The following APBA1 variants were observed in gnomAD, a reference collection of about 807,000 sequenced individuals.
The protein encoded by APBA1 is amyloid-beta A4 precursor protein-binding family A member 1.
APBA1 carries 55 observed loss-of-function variants against 86.6 expected under a neutral mutation model. The ratio of observed to expected loss-of-function variants is 0.64; its 90% CI spans 0.51 to 0.80. APBA1 has a LOEUF of 0.80. APBA1 is among the 30% of genes least tolerant of loss of function. APBA1 has a pLI of 0.00. For synonymous variants in APBA1, 511 were observed against 493.9 expected (o/e 1.03, Z -0.46); for missense variants, 1,090 against 1,183.0 (o/e 0.92, Z 1.15).
intron 1 of APBA1, among the ~76,000 whole-genome samples, chr9:69,638,467 C>T (rs1444322739): frequency 6.6e-6 from 1 of 152,172 alleles, no homozygotes; most frequent in East Asian, 1.9e-4. Flanking sequence ...TCTCGAACTC[C>T]AGACCTCAGG....
At chr9:69,671,289 G>T (rs920785583) in intron 1 of APBA1, among the ~76,000 whole-genome samples, 4 of 152,160 alleles carry the variant, frequency 2.6e-5, no homozygotes, top group African/African-American at 9.7e-5. Context: ...AGGTGCTAAG[G>T]AGAGAAGTAG....
At chr9:69,611,393 T>TTACTAAAATATTCAAACCCACTGGGAGA (rs1822586917) in intron 1 of APBA1, among the ~76,000 whole-genome samples, 1 of 151,958 alleles carries the variant, frequency 6.6e-6, no homozygotes, top group Admixed American at 6.6e-5. Flanking sequence ...TATAGTGTTG[T>TTACTAAAATATTCAAACCCACTGGGAGA]TACTAAAATA....
At chr9:69,433,339 T>C (rs896785147) in intron 11 of APBA1, among the ~76,000 whole-genome samples, 4 of 152,194 alleles carry the variant, frequency 2.6e-5, no homozygotes, top group African/African-American at 9.7e-5. Context: ...CAACATAACT[T>C]TTCCCAAAAG....
At chr9:69,520,034 C>T (rs571710452) in intron 1 of APBA1, among the ~76,000 whole-genome samples, 8 of 152,244 alleles carry the variant, frequency 5.3e-5, no homozygotes, top group Admixed American at 2.6e-4. Flanking sequence ...ACAGACCTCA[C>T]GGGAGTATTT....
intron 10 of APBA1, among the ~76,000 whole-genome samples, chr9:69,446,731 C>A (rs969312467): frequency 1.3e-5 from 2 of 152,300 alleles, no homozygotes; most frequent in Middle Eastern, 3.4e-3. Flanking sequence ...CTGGGCAAGT[C>A]TCCTGTGCCT....
chr9:69,494,713 G>T (rs1295675464), intron 2 of APBA1, among the ~76,000 whole-genome samples: 1 of 151,950 alleles, frequency 6.6e-6, no homozygotes, highest in African/African-American at 2.4e-5. Context: ...CCAGACCACT[G>T]GCCCTTAGCT....
intron 2 of APBA1, among the ~76,000 whole-genome samples, chr9:69,505,445 C>T (rs1835943476): frequency 1.3e-5 from 2 of 152,092 alleles, no homozygotes; most frequent in South Asian, 4.1e-4. Context: ...CTAACTCCTC[C>T]ATCACAGCCA....
intron 2 of APBA1, among the ~76,000 whole-genome samples, chr9:69,490,021 C>T (rs1466288637): frequency 3.9e-5 from 6 of 152,082 alleles, no homozygotes; most frequent in African/African-American, 1.4e-4. Flanking sequence ...AAGACACATG[C>T]ACACGTATGT....
At position 69,441,065 on chromosome 9, in the gene APBA1, C is replaced by T. The variant is rs758165224; in HGVS notation, c.2232G>A (p.Pro744=). The T allele has an allele frequency of 3.9e-5, 63 of 1,613,924 alleles. No individual in the cohort carries two copies. Among genetic ancestry groups the T allele is most frequent in the Non-Finnish European group, 4.7e-5 (56 of 1,180,036 alleles). ...RVKLNIVRCP[P]VTTVLIRRPD... Reference sequence around the variant, plus strand: ...GTCTTCTGATTAACACGGTGGTCACCGGAGGACATCTCACGATATTCAGCT... The same window carrying T: ...GTCTTCTGATTAACACGGTGGTCACTGGAGGACATCTCACGATATTCAGCT... Residue 744 remains proline, a synonymous_variant, in exon 11 of 13, where the codon CCG becomes CCA. Transcript: ENST00000265381.
chr9:69,525,661 A>G (rs959174407), intron 1 of APBA1, among the ~76,000 whole-genome samples: 11 of 152,332 alleles, frequency 7.2e-5, no homozygotes, highest in African/African-American at 2.6e-4. Flanking sequence ...AGCAATTTAC[A>G]GATTCAATGT....
intron 1 of APBA1, among the ~76,000 whole-genome samples, chr9:69,541,551 T>A (rs1836613765): frequency 1.5e-5 from 1 of 65,322 alleles, no homozygotes. Flanking sequence ...TTTTGCATTT[T>A]TTTTTTTTTT....
chr9:69,553,756 G>A (rs1836822538), intron 1 of APBA1, among the ~76,000 whole-genome samples: 1 of 152,156 alleles, frequency 6.6e-6, no homozygotes, highest in African/African-American at 2.4e-5. Flanking sequence ...TCTACAGACT[G>A]TTCTACATAC....
intron 1 of APBA1, among the ~76,000 whole-genome samples, chr9:69,656,946 C>T (rs12005898): frequency 0.22 from 33,951 of 151,238 alleles, 4,129 homozygotes; most frequent in African/African-American, 0.29. Context: ...CCCGGGTTCA[C>T]GCCATTCTCC....
intron 1 of APBA1, among the ~76,000 whole-genome samples, chr9:69,547,817 A>T (rs1436431606): frequency 6.6e-6 from 1 of 152,156 alleles, no homozygotes; most frequent in Non-Finnish European, 1.5e-5. Flanking sequence ...AGTCTACTCC[A>T]TGTCTGGTTT....
At position 69,585,872 on chromosome 9, in the gene APBA1, C is replaced by G. The variant is rs140728430; in HGVS notation, c.-69-68593G>C. Among the ~76,000 whole-genome samples, 25 of 152,230 alleles carry G rather than the reference C, an allele frequency of 1.6e-4. No homozygotes were observed. The East Asian group carries it at 4.8e-3, about 29-fold the overall frequency. On this transcript the variant is annotated intron_variant, in intron 1 of 12. Transcript: ENST00000265381. The stretch of plus-strand genomic sequence containing the variant: ...TGCCTTTCTCCTGCTTATCTCATCC[C>G]CAAAACCCAAATCCAGCCTCTCATA...
intron 1 of APBA1, among the ~76,000 whole-genome samples, chr9:69,645,660 C>G (rs958519692): frequency 1.1e-4 from 17 of 152,312 alleles, no homozygotes; most frequent in African/African-American, 3.8e-4. Context: ...AGCTCGTGCT[C>G]TCTTCAGCAG....
chr9:69,566,768 C>T (rs1289433321), intron 1 of APBA1, among the ~76,000 whole-genome samples: 3 of 152,168 alleles, frequency 2.0e-5, no homozygotes, highest in Non-Finnish European at 4.4e-5. Flanking sequence ...GCTGGCTCCC[C>T]AGCTACATGC....
At chr9:69,465,092 C>T (rs1203557636) in intron 5 of APBA1, 3 of 152,242 alleles carry the variant, frequency 2.0e-5, no homozygotes, top group Non-Finnish European at 4.4e-5. Context: ...GATAGGGGCT[C>T]TTTGGCATTT....
At chr9:69,624,050 T>C (rs1272984959) in intron 1 of APBA1, among the ~76,000 whole-genome samples, 1 of 152,232 alleles carries the variant, frequency 6.6e-6, no homozygotes, top group African/African-American at 2.4e-5. Context: ...AACCTATCTT[T>C]AGAACATGCT....
Sources: allele counts gnomAD v4.1 joint callset (sites outside exome capture counted in the v4.1 genomes callset), GRCh38; gene constraint gnomAD v4.1.1; transcripts MANE v1.5; gene names NCBI Gene and HGNC (gene_info 2026-07-23, HGNC 2026-07-21).